TBC1D22A: variants seen among roughly 807,000 people sequenced by gnomAD.
TBC1D22A encodes the protein putative GTPase activator.
TBC1D22A carries 38 observed loss-of-function variants against 60.2 expected under a neutral mutation model. That is an observed-to-expected ratio of 0.63 (90% CI 0.49 to 0.83). The LOEUF is 0.83. Among genes scored for constraint, TBC1D22A ranks in the 40% least tolerant of loss-of-function variants. TBC1D22A has a pLI of 0.00. For synonymous variants in TBC1D22A, 302 were observed against 281.7 expected (o/e 1.07, Z -0.72); for missense variants, 628 against 701.0 (o/e 0.90, Z 1.18).
At chr22:47,000,825 CA>C in intron 10 of TBC1D22A, among the ~76,000 whole-genome samples, 1 of 125,662 alleles carries the variant, frequency 8.0e-6, no homozygotes, top group Admixed American at 7.8e-5. Context: ...ATTAAGCCAA[CA>C]AAGCAAAAAG....
intron 8 of TBC1D22A, chr22:46,915,836 G>A: frequency 2.2e-6 from 1 of 456,334 alleles, no homozygotes; most frequent in South Asian, 1.5e-5. Context: ...CCTGGAGTGT[G>A]GCATTGGTCC....
At chr22:46,874,355 G>T (rs1322739548) in intron 4 of TBC1D22A, among the ~76,000 whole-genome samples, 1 of 152,008 alleles carries the variant, frequency 6.6e-6, no homozygotes, top group African/African-American at 2.4e-5. Context: ...TTGAGGAATT[G>T]CTACACTGTC....
At chr22:47,172,725 A>T (rs1219928834) in intron 12 of TBC1D22A, among the ~76,000 whole-genome samples, 1 of 152,216 alleles carries the variant, frequency 6.6e-6, no homozygotes. Context: ...CCCATTTTGC[A>T]GAGGAGGAAG....
At chr22:46,901,883 G>A (rs3905396) in intron 7 of TBC1D22A, among the ~76,000 whole-genome samples, 17,449 of 152,226 alleles carry the variant, frequency 0.11, 2,209 homozygotes, top group African/African-American at 0.32. Flanking sequence ...TTTGTATACC[G>A]TGATGTCACA....
chr22:47,164,601 T>C (rs2068125285), intron 12 of TBC1D22A, among the ~76,000 whole-genome samples: 1 of 152,178 alleles, frequency 6.6e-6, no homozygotes, highest in South Asian at 2.1e-4. Flanking sequence ...TTCCTAAGGC[T>C]GAATGTCAGT....
chr22:47,032,793 G>A (rs2062523137), intron 10 of TBC1D22A, among the ~76,000 whole-genome samples: 1 of 152,204 alleles, frequency 6.6e-6, no homozygotes, highest in Non-Finnish European at 1.5e-5. Context: ...AGTGCAAGGC[G>A]GCACCCACTT....
intron 12 of TBC1D22A, among the ~76,000 whole-genome samples, chr22:47,139,123 C>T (rs1260923675): frequency 3.9e-5 from 6 of 152,230 alleles, no homozygotes; most frequent in Non-Finnish European, 8.8e-5. Flanking sequence ...TTCTGAGTCC[C>T]ACCCTGAGCC....
intron 11 of TBC1D22A, among the ~76,000 whole-genome samples, chr22:47,087,154 C>T (rs1216919552): frequency 2.0e-5 from 3 of 152,218 alleles, no homozygotes; most frequent in African/African-American, 7.2e-5. Flanking sequence ...TGAGCGTACA[C>T]GCATACGCGC....
chr22:46,939,126 T>G (rs997275200), intron 8 of TBC1D22A, among the ~76,000 whole-genome samples: 4 of 150,478 alleles, frequency 2.7e-5, no homozygotes, highest in Middle Eastern at 3.2e-3. Context: ...TTAGAATTTT[T>G]TATTTTTCAC....
intron 12 of TBC1D22A, among the ~76,000 whole-genome samples, chr22:47,170,219 C>G (rs372476724): frequency 6.6e-6 from 1 of 152,130 alleles, no homozygotes; most frequent in African/African-American, 2.4e-5. Context: ...TTCTATTCTC[C>G]CTCCATCCAG....
chr22:46,850,100 G>C (rs1183323834), intron 4 of TBC1D22A, among the ~76,000 whole-genome samples: 3 of 152,208 alleles, frequency 2.0e-5, no homozygotes, highest in African/African-American at 7.2e-5. Flanking sequence ...CATGCCTGCT[G>C]TGTGCTGGAG....
chr22:47,036,676 C>T (rs891261167), intron 10 of TBC1D22A, among the ~76,000 whole-genome samples: 7 of 152,346 alleles, frequency 4.6e-5, no homozygotes, highest in Non-Finnish European at 7.3e-5. Context: ...GCAAGCTCAT[C>T]TCCTCTCTCT....
intron 4 of TBC1D22A, among the ~76,000 whole-genome samples, chr22:46,812,240 G>A (rs2085407756): frequency 6.6e-6 from 1 of 152,170 alleles, no homozygotes; most frequent in Non-Finnish European, 1.5e-5. Context: ...CCCTCATGCC[G>A]TTTCTGGGTC....
intron 12 of TBC1D22A, chr22:47,117,288 G>A (rs2066103683): frequency 5.8e-6 from 1 of 171,270 alleles, no homozygotes. Flanking sequence ...ACTGGGTAGA[G>A]CAGGGAGTCA....
chr22:47,020,949 G>A (rs2062066324), intron 10 of TBC1D22A, among the ~76,000 whole-genome samples: 1 of 151,920 alleles, frequency 6.6e-6, no homozygotes, highest in South Asian at 2.1e-4. Flanking sequence ...GGGCTGGCCA[G>A]AGAAGCCCAC....
chr22:46,796,919 G>T (rs2084678608), intron 3 of TBC1D22A, among the ~76,000 whole-genome samples: 1 of 152,228 alleles, frequency 6.6e-6, no homozygotes, highest in Non-Finnish European at 1.5e-5. Flanking sequence ...AGGTGGCGGG[G>T]TTGGGCACGC....
At chr22:46,771,538 C>T (rs528706373) in intron 1 of TBC1D22A, among the ~76,000 whole-genome samples, 2 of 152,060 alleles carry the variant, frequency 1.3e-5, no homozygotes, top group African/African-American at 4.8e-5. Flanking sequence ...CTCTGAGTCC[C>T]TGAAGTCTAT....
intron 12 of TBC1D22A, among the ~76,000 whole-genome samples, chr22:47,113,187 T>C (rs529705189): frequency 6.4e-4 from 98 of 152,308 alleles, no homozygotes; most frequent in African/African-American, 2.2e-3. Context: ...CCCAGAGTGC[T>C]TGGTTCCCAC....
chr22:46,769,963 G>C (rs1299418643), intron 1 of TBC1D22A, among the ~76,000 whole-genome samples: 1 of 152,076 alleles, frequency 6.6e-6, no homozygotes, highest in African/African-American at 2.4e-5. Flanking sequence ...ATGGGAGTGT[G>C]GTAGGCAGAA....
Sources: gnomAD v4.1 joint callset for allele counts (sites outside exome capture counted in the v4.1 genomes callset) on GRCh38, gnomAD v4.1.1 for gene constraint, MANE v1.5 for transcripts, NCBI Gene and HGNC (gene_info 2026-07-23, HGNC 2026-07-21) for gene names.